Variants in STXBP5L observed in about 807,000 individuals in gnomAD.
STXBP5L encodes the protein syntaxin binding protein 5L, also known as syntaxin-binding protein 5-like.
STXBP5L carries 65 observed loss-of-function variants against 144.5 expected under a neutral mutation model. The observed-to-expected ratio is 0.45, with a 90% CI of 0.37 to 0.55. STXBP5L has a LOEUF of 0.55. Ranked by LOEUF, STXBP5L falls within the 20% of genes least tolerant of loss-of-function variation. The pLI, the probability that STXBP5L is intolerant of heterozygous loss-of-function variation, is 0.00. For missense variants in STXBP5L, 1,298 were observed against 1,405.5 expected, an observed-to-expected ratio of 0.92 and a Z score of 1.22; for synonymous variants, 505 against 469.6, an observed-to-expected ratio of 1.08 and a Z score of -0.97.
At chr3:121,112,324 C>T (rs1296921030) in intron 5 of STXBP5L, among the ~76,000 whole-genome samples, 4 of 152,108 alleles carry the variant, frequency 2.6e-5, no homozygotes, top group Non-Finnish European at 4.4e-5. Flanking sequence ...TGCACAGATT[C>T]GTGGAAAAAG....
chr3:120,978,452 T>G (rs1472697362), intron 3 of STXBP5L, among the ~76,000 whole-genome samples: 4 of 152,190 alleles, frequency 2.6e-5, no homozygotes, highest in African/African-American at 7.2e-5. Flanking sequence ...TTGTCTAAAT[T>G]TTTTTCAAGG....
chr3:121,123,461 A>G (rs902686780), intron 7 of STXBP5L, among the ~76,000 whole-genome samples: 2 of 151,688 alleles, frequency 1.3e-5, no homozygotes, highest in East Asian at 3.9e-4. Flanking sequence ...TTGATATGGA[A>G]AGTTCTTTAA....
intron 3 of STXBP5L, among the ~76,000 whole-genome samples, chr3:121,011,852 A>G (rs555874662): frequency 6.6e-6 from 1 of 151,912 alleles, no homozygotes; most frequent in Non-Finnish European, 1.5e-5. Context: ...AAAGTAAACA[A>G]TTCAGTGATT....
chr3:121,355,548 G>A (rs575233999), intron 20 of STXBP5L, among the ~76,000 whole-genome samples: 1 of 152,172 alleles, frequency 6.6e-6, no homozygotes, highest in Admixed American at 6.5e-5. Context: ...GGTCATTTAA[G>A]GTCTTCTCTA....
chr3:121,369,761 C>T (rs1383845617), intron 20 of STXBP5L, among the ~76,000 whole-genome samples: 1 of 152,048 alleles, frequency 6.6e-6, no homozygotes, highest in Non-Finnish European at 1.5e-5. Flanking sequence ...TCTCCAGCTG[C>T]CTTTAAAATA....
intron 6 of STXBP5L, among the ~76,000 whole-genome samples, chr3:121,115,358 A>T (rs2044186862): frequency 6.6e-6 from 1 of 152,226 alleles, no homozygotes; most frequent in Non-Finnish European, 1.5e-5. Flanking sequence ...CAAGCTTAGT[A>T]TAGCAACTTT....
At chr3:121,247,646 T>C (rs2049897565) in intron 14 of STXBP5L, among the ~76,000 whole-genome samples, 1 of 152,228 alleles carries the variant, frequency 6.6e-6, no homozygotes, top group East Asian at 1.9e-4. Flanking sequence ...GTAAAGGACA[T>C]GATTTCACTC....
intron 3 of STXBP5L, among the ~76,000 whole-genome samples, chr3:121,009,317 G>A (rs1050288285): frequency 5.3e-5 from 8 of 151,844 alleles, no homozygotes; most frequent in African/African-American, 1.9e-4. Context: ...CCCCCTCTTG[G>A]TCTCTAATCT....
chr3:121,301,417 G>A (rs1051917437), intron 19 of STXBP5L, among the ~76,000 whole-genome samples: 1 of 152,206 alleles, frequency 6.6e-6, no homozygotes, highest in African/African-American at 2.4e-5. Flanking sequence ...CTTTGCTGAA[G>A]TTGGTTATCA....
chr3:120,997,006 C>G (rs1030986033), intron 3 of STXBP5L, among the ~76,000 whole-genome samples: 2 of 152,126 alleles, frequency 1.3e-5, no homozygotes, highest in African/African-American at 4.8e-5. Flanking sequence ...TCCATGTGTA[C>G]TCAATGTTCA....
In STXBP5L at chr3:121,015,085, C is replaced by T. The variant is rs554422474; in HGVS notation, c.288-26615C>T. ...ACTCAGTGTCATTAAGAGGTTCTTT[C>T]CAAATTGCTAGAGATTCAATCCAAT... On this transcript the variant is annotated intron_variant, in intron 3 of 26. Coordinates refer to ENST00000471454, the MANE Select transcript of STXBP5L (RefSeq NM_001308330.2). 5.3e-5 allele frequency among the ~76,000 whole-genome samples: 8 copies of T among 152,094 alleles called. No homozygotes were observed. In the South Asian group the frequency reaches 1.7e-3, roughly 32 times the overall value.
rs1264163017 is a variant in STXBP5L, at chr3:121,140,170, C to T, written c.670-12307C>T. ...AAGTATATAGTGAAATGCTCAACATCGCTCATCATCAGGGAAATGCAAATC... is the reference window on the plus strand; with the variant it reads ...AAGTATATAGTGAAATGCTCAACATTGCTCATCATCAGGGAAATGCAAATC... On this transcript the variant is annotated intron_variant, in intron 7 of 26. Transcript: ENST00000471454. Among the ~76,000 whole-genome samples the T allele has an allele frequency of 5.9e-5, 9 of 152,162 alleles. No individual in the cohort carries two copies. In the East Asian group the frequency reaches 9.6e-4, roughly 16 times the overall value.
At chr3:121,036,772 A>ATTTTTTTTTTTTTTTTTTTTTTTTTTTT (rs3863971) in intron 3 of STXBP5L, among the ~76,000 whole-genome samples, 2 of 122,224 alleles carry the variant, frequency 1.6e-5, no homozygotes, top group Non-Finnish European at 3.3e-5. Context: ...ACATTGATTG[A>ATTTTTTTTTTTTTTTTTTTTTTTTTTTT]TTTTTTTTTT....
intron 3 of STXBP5L, among the ~76,000 whole-genome samples, chr3:120,977,356 T>C (rs1941178761): frequency 1.3e-5 from 2 of 152,140 alleles, no homozygotes; most frequent in African/African-American, 2.4e-5. Flanking sequence ...TGTCAGAGAG[T>C]AGGATTGCAA....
intron 22 of STXBP5L, among the ~76,000 whole-genome samples, chr3:121,384,363 C>T (rs377279387): frequency 6.6e-6 from 1 of 151,946 alleles, no homozygotes; most frequent in South Asian, 2.1e-4. Context: ...ACAGTACTGG[C>T]GTTTAAGAGT....
intron 7 of STXBP5L, among the ~76,000 whole-genome samples, chr3:121,123,810 C>T (rs777698299): frequency 2.6e-5 from 4 of 151,730 alleles, no homozygotes; most frequent in Non-Finnish European, 5.9e-5. Context: ...GAATAAATCA[C>T]TTTACTTCTT....
At chr3:120,917,749 T>A (rs994000342) in intron 2 of STXBP5L, among the ~76,000 whole-genome samples, 1 of 152,176 alleles carries the variant, frequency 6.6e-6, no homozygotes, top group Admixed American at 6.5e-5. Flanking sequence ...AGGTATCTAA[T>A]TTGGAATTTT....
chr3:121,208,204 A>G (rs1013806405), intron 10 of STXBP5L, among the ~76,000 whole-genome samples: 1 of 152,088 alleles, frequency 6.6e-6, no homozygotes, highest in South Asian at 2.1e-4. Flanking sequence ...GAAGCTGGAA[A>G]CCATCATTCT....
At chr3:121,223,267 T>A in intron 11 of STXBP5L, 110 bp downstream of exon 11, 1 of 1,132,012 alleles carries the variant, frequency 8.8e-7, no homozygotes, top group Non-Finnish European at 1.2e-6. Flanking sequence ...TATAACGCTG[T>A]GAGCTACAAG....
Sources: gnomAD v4.1 joint callset for allele counts (sites outside exome capture counted in the v4.1 genomes callset) on GRCh38, gnomAD v4.1.1 for gene constraint, MANE v1.5 for transcripts, NCBI Gene and HGNC (gene_info 2026-07-23, HGNC 2026-07-21) for gene names.